MRE11: variants seen among roughly 807,000 people sequenced by gnomAD.
MRE11 encodes MRE11 double strand break repair nuclease.
MRE11 carries 62 observed loss-of-function variants against 91.7 expected under a neutral mutation model. That is an observed-to-expected ratio of 0.68 (90% CI 0.55 to 0.84). The LOEUF (loss-of-function observed/expected upper bound fraction) is 0.84, where lower values mean the gene tolerates loss of function less well. MRE11 is among the 40% of genes least tolerant of loss of function. The pLI, the probability that MRE11 is intolerant of heterozygous loss-of-function variation, is 0.00. For missense variants in MRE11, 796 were observed against 852.9 expected, an observed-to-expected ratio of 0.93 and a Z score of 0.83; for synonymous variants, 273 against 271.4, an observed-to-expected ratio of 1.01 and a Z score of -0.06.
rs1805366 is a variant in MRE11 at position 94,435,822 on chromosome 11, C to T, written c.1994+10G>A. 3,263 of 1,609,748 alleles carry T rather than the reference C, an allele frequency of 2.0e-3. 52 individuals carry two copies. The African/African-American group carries it at 0.039, about 19-fold the overall frequency. On this transcript the variant is annotated intron_variant, in intron 18 of 19. Coordinates refer to ENST00000323929, the MANE Select transcript of MRE11 (RefSeq NM_005591.4). ...CAGATGTTTCTTTTGCAGAAAATCACTGCACCTACCTTTGATCTGTCTTTG... is the reference window on the plus strand; with the variant it reads ...CAGATGTTTCTTTTGCAGAAAATCATTGCACCTACCTTTGATCTGTCTTTG...
chr11:94,495,387 T>C (rs1490349563), upstream of MRE11, among the ~76,000 whole-genome samples: 1 of 152,180 alleles, frequency 6.6e-6, no homozygotes, highest in African/African-American at 2.4e-5. Flanking sequence ...GTGGTCCTTA[T>C]CTTTCAGCTT....
chr11:94,456,441 CA>C (rs1946250605), intron 13 of MRE11, 103 bp from the exon 14 acceptor site: 1 of 836,378 alleles, frequency 1.2e-6, no homozygotes, highest in African/African-American at 1.7e-5. Context: ...ATAAAACTTG[CA>C]AATTTAACAA....
rs772372085 is a variant in MRE11 at position 94,447,419 on chromosome 11, G to A, written c.1583C>T (p.Ala528Val). 1.2e-6 allele frequency: 2 copies of A among 1,614,132 alleles called. No homozygotes were observed. Among genetic ancestry groups the A allele is most frequent in the Non-Finnish European group, 1.7e-6 (2 of 1,180,016 alleles). ...AGACTCCTCTGACTGAGATCTGAGT[G>A]CTCTGGCCCTGGTCATAGCCTAAGA... is the stretch of plus-strand genomic sequence containing the variant. ...EVREAMTRARALRSQSEESAS... is the reference protein window; with the variant it reads ...EVREAMTRARVLRSQSEESAS... Residue 528 changes from alanine to valine, a missense_variant, in exon 15 of 20, where the codon GCA (alanine) becomes GTA (valine). Coordinates refer to ENST00000323929, the MANE Select transcript of MRE11 (RefSeq NM_005591.4).
At chr11:94,506,161 A>T in the MRE11 span, among the ~76,000 whole-genome samples, 1 of 151,782 alleles carries the variant, frequency 6.6e-6, no homozygotes, top group Admixed American at 6.6e-5. Flanking sequence ...ATTTTTTTTC[A>T]TTCTGTTTTT....
chr11:94,505,461 T>C, the MRE11 span, among the ~76,000 whole-genome samples: 1 of 152,078 alleles, frequency 6.6e-6, no homozygotes, highest in African/African-American at 2.4e-5. Flanking sequence ...ATATAAATAA[T>C]GCATATTGAA....
upstream of MRE11, chr11:94,496,586 T>G (rs184184108): frequency 3.9e-6 from 4 of 1,036,824 alleles, no homozygotes; most frequent in East Asian, 9.6e-5. Flanking sequence ...CTAATAACTT[T>G]TGTATTTGTG....
At chr11:94,477,885 G>A (rs182438122) in intron 6 of MRE11, among the ~76,000 whole-genome samples, 1 of 152,300 alleles carries the variant, frequency 6.6e-6, no homozygotes, top group East Asian at 1.9e-4. Context: ...CAAAAGCCCA[G>A]GGGTAAGAGA....
chr11:94,469,046 C>T (rs139741401), intron 9 of MRE11, among the ~76,000 whole-genome samples: 1 of 152,200 alleles, frequency 6.6e-6, no homozygotes, highest in East Asian at 1.9e-4. Context: ...AATAATATAA[C>T]TTAACTAAGT....
chr11:94,417,471 T>C lies in MRE11; in HGVS notation c.*2654A>G, dbSNP rs995972732. The stretch of plus-strand genomic sequence containing the variant: ...GAAGGCTAATTATGGTATTACTGCA[T>C]AGGTTTAGTATTAATGCATATGTTC... On this transcript the variant is annotated 3_prime_UTR_variant, in exon 20 of 20. Transcript: ENST00000323929. The C allele has an allele frequency of 4.3e-6, 1 of 232,782 alleles. No homozygotes were observed. The highest frequency in any genetic ancestry group is 2.2e-5 in the African/African-American group (1 of 45,332). 14.4% of individuals were successfully genotyped at this position (232,782 alleles called of 1,614,324 possible).
At chr11:94,471,483 G>T in intron 8 of MRE11, 91 bp downstream of exon 8, 1 of 1,195,482 alleles carries the variant, frequency 8.4e-7, no homozygotes, top group Non-Finnish European at 1.2e-6. Flanking sequence ...GCCAGTTAGC[G>T]GTAACCTTAA....
chr11:94,498,068 C>A, upstream of MRE11: 2 of 1,552,606 alleles, frequency 1.3e-6, no homozygotes, highest in Non-Finnish European at 8.7e-7. Flanking sequence ...TTTTTCTTCT[C>A]AGCTTACCAC....
chr11:94,439,139 T>C (rs1016495084), intron 16 of MRE11, among the ~76,000 whole-genome samples: 6 of 152,198 alleles, frequency 3.9e-5, no homozygotes, highest in African/African-American at 1.4e-4. Context: ...ATGGACCTTG[T>C]TATAAGAGAA....
chr11:94,505,958 A>T, the MRE11 span, among the ~76,000 whole-genome samples: 1 of 152,240 alleles, frequency 6.6e-6, no homozygotes, highest in East Asian at 1.9e-4. Context: ...GTAGCCTAGG[A>T]GCAATAGGCT....
upstream of MRE11, chr11:94,497,219 G>A (rs1366460389): frequency 3.8e-6 from 2 of 532,256 alleles, no homozygotes; most frequent in Admixed American, 3.4e-5. Context: ...ATTTAGGAAA[G>A]AGAGGATGGA....
intron 2 of MRE11, among the ~76,000 whole-genome samples, chr11:94,491,189 C>T (rs1438216023): frequency 6.6e-6 from 1 of 152,124 alleles, no homozygotes; most frequent in African/African-American, 2.4e-5. Flanking sequence ...TAAATCTTTA[C>T]AAGGTTCTAT....
the MRE11 span, among the ~76,000 whole-genome samples, chr11:94,512,105 C>A: frequency 3.3e-5 from 5 of 152,204 alleles, no homozygotes; most frequent in Non-Finnish European, 5.9e-5. Flanking sequence ...ACCGGTTCCA[C>A]TTCTAACTTT....
chr11:94,428,787 C>T (rs550577302), intron 19 of MRE11, among the ~76,000 whole-genome samples: 163 of 151,952 alleles, frequency 1.1e-3, no homozygotes, highest in African/African-American at 3.8e-3. Context: ...CGCTTGAACC[C>T]GGGAGGCGGA....
At chr11:94,486,165 A>G in intron 3 of MRE11, 81 bp from the exon 4 acceptor site, 1 of 1,375,876 alleles carries the variant, frequency 7.3e-7, no homozygotes, top group South Asian at 1.3e-5. Context: ...GAGATAAAAA[A>G]AAACTCACAA....
At position 94,418,103 on chromosome 11, in the gene MRE11, G is replaced by C; in HGVS notation, c.*2022C>G. On this transcript the variant is annotated 3_prime_UTR_variant, in exon 20 of 20. Transcript: ENST00000323929. The stretch of plus-strand genomic sequence containing the variant: ...ATACCAACAGGTCTGAAAATTGTTA[G>C]AAACAAAAAACAAAACTCCCCTAAA... 1 of 232,766 alleles carries C rather than the reference G, an allele frequency of 4.3e-6. No individual in the cohort carries two copies. The highest frequency in any genetic ancestry group is 8.5e-6 in the Non-Finnish European group (1 of 117,904). 14.4% of individuals were successfully genotyped at this position (232,766 alleles called of 1,614,324 possible). A position where few individuals can be genotyped will look rare whatever the true frequency, so the allele number is the denominator to read the frequency against.
Sources: allele counts gnomAD v4.1 joint callset (sites outside exome capture counted in the v4.1 genomes callset), GRCh38; gene constraint gnomAD v4.1.1; transcripts MANE v1.5; gene names NCBI Gene and HGNC (gene_info 2026-07-23, HGNC 2026-07-21).